Variants in ARHGEF1 observed in about 807,000 individuals in gnomAD.
The protein encoded by ARHGEF1 is Rho guanine nucleotide exchange factor 1.
ARHGEF1 carries 40 observed loss-of-function variants against 119.7 expected under a neutral mutation model. The ratio of observed to expected loss-of-function variants is 0.33; its 90% CI spans 0.26 to 0.44. The LOEUF is 0.44. Ranked by LOEUF, ARHGEF1 falls within the 20% of genes least tolerant of loss-of-function variation. The pLI, the probability that ARHGEF1 is intolerant of heterozygous loss-of-function variation, is 1.00. For missense variants in ARHGEF1, 976 were observed against 1,268.3 expected, an observed-to-expected ratio of 0.77 and a Z score of 3.50; for synonymous variants, 494 against 521.0, an observed-to-expected ratio of 0.95 and a Z score of 0.71.
rs782663859 is a variant in ARHGEF1 at position 41,905,853 on chromosome 19, G to T, written c.2404+26G>T. The stretch of plus-strand genomic sequence containing the variant: ...GTGAGACCAGAGGGATGCTGGGTGA[G>T]GGGCCAGGTTGGGGCTGCCGGGTGA... On this transcript the variant is annotated intron_variant, in intron 25 of 28. Transcript: ENST00000354532. This position sits in a 1 kb window ranked among gnomAD's most constrained non-coding sequence, Gnocchi z 6.4. 1 of 1,614,058 alleles carries T rather than the reference G, an allele frequency of 6.2e-7. No homozygotes were observed. The highest frequency in any genetic ancestry group is 8.5e-7 in the Non-Finnish European group (1 of 1,179,948).
chr19:41,910,994 C>G (rs963942278), downstream of ARHGEF1, among the ~76,000 whole-genome samples: 21 of 152,220 alleles, frequency 1.4e-4, no homozygotes, highest in Non-Finnish European at 1.0e-4. The surrounding 1 kb of genome is among the most constrained non-coding windows in gnomAD (Gnocchi z 4.4). Flanking sequence ...AAGACACACA[C>G]AGGACCCCAA....
chr19:41,903,963 G>A lies in ARHGEF1; in HGVS notation c.1918-72G>A. 5 of 1,483,902 alleles carry A rather than the reference G, an allele frequency of 3.4e-6. No homozygotes were observed. Among genetic ancestry groups the A allele is most frequent in the Non-Finnish European group, 4.7e-6 (5 of 1,066,760 alleles). The allele number at this position is 1,483,902 out of a possible 1,614,324, so 91.9% of individuals were successfully genotyped here. A position where few individuals can be genotyped will look rare whatever the true frequency, so the allele number is the denominator to read the frequency against. ...TGTGGTCATCCCCGGCCACTGCCCT[G>A]CCCTTCCCCTCCCCACCAACCCCAA... On this transcript the variant is annotated intron_variant, in intron 20 of 28. Transcript: ENST00000354532. This position sits in a 1 kb window ranked among gnomAD's most constrained non-coding sequence, Gnocchi z 4.2.
At chr19:41,913,549 T>C (rs1238642717) in intron 18 of ARHGEF1, among the ~76,000 whole-genome samples, 13 of 150,176 alleles carry the variant, frequency 8.7e-5, no homozygotes, top group Non-Finnish European at 1.9e-4. Context: ...TCCAGTCCTC[T>C]ACCCCACAGG....
chr19:41,915,325 G>T (rs1555851879), intron 18 of ARHGEF1, among the ~76,000 whole-genome samples: 2 of 151,376 alleles, frequency 1.3e-5, no homozygotes, highest in East Asian at 2.0e-4. Context: ...TCTGTGCCCA[G>T]CCTTCGTCCT....
chr19:41,910,894 G>A (rs879964572), downstream of ARHGEF1, among the ~76,000 whole-genome samples: 3 of 151,860 alleles, frequency 2.0e-5, no homozygotes, highest in African/African-American at 7.3e-5. This position sits in a 1 kb window ranked among gnomAD's most constrained non-coding sequence, Gnocchi z 4.4. Flanking sequence ...TCAAGGTCAC[G>A]TCATCTCAAC....
At position 41,892,640 on chromosome 19, in the gene ARHGEF1, G is replaced by A. The variant is rs373367437; in HGVS notation, c.405G>A (p.Gln135=). ...CTGACCTCATCTCCGAGGATGTCCA[G>A]CGGCGGTTCGTGCAGGAGGTGGTGC... ...TRADLISEDV[Q]RRFVQEVVQS... is the part of the protein sequence containing the mutation. The change falls in exon 7 of 29, where the codon CAG becomes CAA. Residue 135 remains glutamine (Q), a synonymous_variant. Transcript: ENST00000354532. The surrounding 1 kb of genome is among the most constrained non-coding windows in gnomAD (Gnocchi z 6.3). The A allele has an allele frequency of 2.9e-5, 47 of 1,611,910 alleles. No individual in the cohort carries two copies. The highest frequency in any genetic ancestry group is 4.0e-5 in the African/African-American group (3 of 74,936).
intron 1 of ARHGEF1, among the ~76,000 whole-genome samples, chr19:41,925,186 G>A (rs1196950343): frequency 6.6e-6 from 1 of 152,142 alleles, no homozygotes; most frequent in Non-Finnish European, 1.5e-5. Context: ...GTATCTGTTT[G>A]CTGATTAAAT....
rs527681045 is a variant in ARHGEF1 at position 41,929,374 on chromosome 19, C to T, written c.297-281C>T. ...CTTCACACTCCCACAAGGTCACAGG[C>T]ACACACACGCACACCTACAGTGACA... is the stretch of plus-strand genomic sequence containing the variant. On this transcript the variant is annotated intron_variant, in intron 2 of 2. Transcript: ENST00000594417. Among the ~76,000 whole-genome samples, 31 of 152,262 alleles carry T rather than the reference C, an allele frequency of 2.0e-4. No individual in the cohort carries two copies. The East Asian group carries it at 5.8e-3, about 28-fold the overall frequency.
At chr19:41,915,046 C>A (rs1258291460) in intron 18 of ARHGEF1, among the ~76,000 whole-genome samples, 1 of 107,680 alleles carries the variant, frequency 9.3e-6, no homozygotes, top group Non-Finnish European at 1.9e-5. Flanking sequence ...CTCCAGCAGC[C>A]CCGCTCCCCC....
chr19:41,912,196 C>T (rs548605680), downstream of ARHGEF1, among the ~76,000 whole-genome samples: 26 of 152,330 alleles, frequency 1.7e-4, no homozygotes, highest in East Asian at 1.9e-4. Flanking sequence ...CACACAAAGA[C>T]AGGCTGTGCA....
Position 41,906,503 on chromosome 19 carries a change from G to A in ARHGEF1, c.2538G>A (p.Gly846=). 3.8e-6 allele frequency: 6 copies of A among 1,583,988 alleles called. No homozygotes were observed. Among genetic ancestry groups the A allele is most frequent in the Non-Finnish European group, 4.3e-6 (5 of 1,172,182 alleles). ...QLLFPAEEDN[G]AGPPRDGDGV... ...TGTTTCCGGCGGAGGAAGACAATGG[G>A]GCGGGGCCTCCTCGAGATGGGGATG... The change falls in exon 27 of 29, where the codon GGG becomes GGA. Residue 846 remains glycine, a synonymous_variant. Coordinates refer to ENST00000354532, the MANE Select transcript of ARHGEF1 (RefSeq NM_004706.4). This position sits in a 1 kb window ranked among gnomAD's most constrained non-coding sequence, Gnocchi z 4.5.
intron 14 of ARHGEF1, among the ~76,000 whole-genome samples, chr19:41,899,655 A>G (rs1472856963): frequency 6.6e-6 from 1 of 151,664 alleles, no homozygotes; most frequent in Non-Finnish European, 1.5e-5. Flanking sequence ...GATTACAGGC[A>G]TGTGCCACCA....
At chr19:41,909,023 C>T (rs895753928), downstream of ARHGEF1, 5 of 1,167,896 alleles carry the variant, frequency 4.3e-6, no homozygotes, top group Non-Finnish European at 5.4e-6. This position sits in a 1 kb window ranked among gnomAD's most constrained non-coding sequence, Gnocchi z 5.2. Flanking sequence ...GCTTCTCCCA[C>T]TGTGCCCCCA....
Position 41,903,252 on chromosome 19 carries a change from A to G in ARHGEF1, c.1739-55A>G. Reference sequence around the variant, plus strand: ...TCCTTTGTCTAACCTTGGCTGCCCAATCTGGAGCCTCCAGGGCAGGGGTTC... The same window carrying G: ...TCCTTTGTCTAACCTTGGCTGCCCAGTCTGGAGCCTCCAGGGCAGGGGTTC... On this transcript the variant is annotated intron_variant, in intron 18 of 28. Transcript: ENST00000354532. The surrounding 1 kb of genome is among the most constrained non-coding windows in gnomAD (Gnocchi z 4.2). The G allele has an allele frequency of 6.4e-7, 1 of 1,551,758 alleles. No individual in the cohort carries two copies. The highest frequency in any genetic ancestry group is 8.9e-7 in the Non-Finnish European group (1 of 1,126,480).
downstream of ARHGEF1, chr19:41,907,509 A>T (rs2074721325): frequency 1.7e-6 from 2 of 1,149,478 alleles, no homozygotes; most frequent in Admixed American, 5.3e-5. Flanking sequence ...ACTCTCTGTG[A>T]CTGTCTGGCG....
At chr19:41,895,562 C>T (rs2074470530) in intron 12 of ARHGEF1, 76 bp downstream of exon 12, 1 of 1,479,026 alleles carries the variant, frequency 6.8e-7, no homozygotes, top group Non-Finnish European at 9.0e-7. Context: ...CCTTGGCACC[C>T]CCAGATAGAA....
chr19:41,907,389 C>T lies in ARHGEF1; in HGVS notation c.*302C>T. On this transcript the variant is annotated 3_prime_UTR_variant, in exon 29 of 29. Coordinates refer to ENST00000354532, the MANE Select transcript of ARHGEF1 (RefSeq NM_004706.4). ...ACCCCTCCACCCCCACCCCCAAGTG[C>T]CTTCGCTCTGTTTTTATACCCTGAA... 6.5e-7 allele frequency: 1 copy of T among 1,535,068 alleles called. No homozygotes were observed. The highest frequency in any genetic ancestry group is 1.4e-5 in the African/African-American group (1 of 73,066).
chr19:41,926,756 C>T (rs1010202764), intron 1 of ARHGEF1, among the ~76,000 whole-genome samples: 1 of 152,246 alleles, frequency 6.6e-6, no homozygotes, highest in African/African-American at 2.4e-5. Flanking sequence ...GTGATAGATC[C>T]GCGCGCCGCT....
chr19:41,904,527 GC>G lies in ARHGEF1; in HGVS notation c.2161+145del. On this transcript the variant is annotated intron_variant, in intron 22 of 28. Coordinates refer to ENST00000354532, the MANE Select transcript of ARHGEF1 (RefSeq NM_004706.4). The surrounding 1 kb of genome is among the most constrained non-coding windows in gnomAD (Gnocchi z 8.4). ...TGAGAAGTAGGTGGAGGTGGGCAGG[GC>G]GGGGCCAGGCCTAGAGGGTTTATAA... is the stretch of plus-strand genomic sequence containing the variant. 1 of 1,002,978 alleles carries G rather than the reference GC, an allele frequency of 1.0e-6. No individual in the cohort carries two copies. The highest frequency in any genetic ancestry group is 1.4e-6 in the Non-Finnish European group (1 of 703,012). The allele number at this position is 1,002,978 out of a possible 1,614,324, so 62.1% of individuals were successfully genotyped here.
Sources: allele counts gnomAD v4.1 joint callset (sites outside exome capture counted in the v4.1 genomes callset), GRCh38; gene constraint gnomAD v4.1.1; non-coding constraint Gnocchi (gnomAD v3.1); transcripts MANE v1.5; gene names NCBI Gene and HGNC (gene_info 2026-07-23, HGNC 2026-07-21).